The following SLC7A6 variants were observed in gnomAD, a reference collection of about 807,000 sequenced individuals.
SLC7A6 encodes Y+L amino acid transporter 2.
SLC7A6 carries 29 observed loss-of-function variants against 46.6 expected under a neutral mutation model. The ratio of observed to expected loss-of-function variants is 0.62; its 90% confidence interval spans 0.46 to 0.85. The LOEUF (loss-of-function observed/expected upper bound fraction) is 0.85. SLC7A6 is among the 40% of genes least tolerant of loss of function. The pLI is 0.00. For synonymous variants in SLC7A6, 276 were observed against 257.3 expected (o/e 1.07, Z -0.70); for missense variants, 527 against 647.6 (o/e 0.81, Z 2.02).
At chr16:68,280,910 T>C (rs1303185139) in intron 3 of SLC7A6, among the ~76,000 whole-genome samples, 1 of 152,180 alleles carries the variant, frequency 6.6e-6, no homozygotes, top group Non-Finnish European at 1.5e-5. Context: ...ATTTTTTGTA[T>C]TTTTAGTGGA....
Position 68,300,002 on chromosome 16 carries a change from A to G in SLC7A6, c.*2674A>G, listed in dbSNP as rs1159501257. 1.3e-5 allele frequency: 2 copies of G among 152,196 alleles called. No individual in the cohort carries two copies. The highest frequency in any genetic ancestry group is 2.4e-5 in the African/African-American group (1 of 41,442). 9.4% of individuals were successfully genotyped at this position (152,196 alleles called of 1,614,324 possible). A position where few individuals can be genotyped will look rare whatever the true frequency, so the allele number is the denominator to read the frequency against. ...GGAGAGATACTTAGGAAATCCTAAA[A>G]GAGGCGGCAAGAAGGTACCTCCCTG... On this transcript the variant is annotated 3_prime_UTR_variant, in exon 11 of 11. Coordinates refer to ENST00000219343, the MANE Select transcript of SLC7A6 (RefSeq NM_003983.6).
chr16:68,265,322 T>A (rs932997579), intron 1 of SLC7A6, among the ~76,000 whole-genome samples: 2 of 152,168 alleles, frequency 1.3e-5, no homozygotes, highest in Admixed American at 1.3e-4. Context: ...ACGTGAAACA[T>A]TCTGAAAATT....
At position 68,290,555 on chromosome 16, in the gene SLC7A6, A is replaced by T. The variant is rs1403622578; in HGVS notation, c.794+15A>T. On this transcript the variant is annotated intron_variant, in intron 5 of 10. Transcript: ENST00000219343. ...AACCCAGAAAGGTAAAGATGGGATC[A>T]CACTCTCACTCCCCAGCTTGGCTGG... The T allele has an allele frequency of 1.2e-6, 2 of 1,613,964 alleles. No individual in the cohort carries two copies. The highest frequency in any genetic ancestry group is 3.3e-5 in the Admixed American group (2 of 60,014).
chr16:68,294,876 T>C (rs950818380), intron 8 of SLC7A6, 75 bp downstream of exon 8: 1 of 1,002,402 alleles, frequency 1.0e-6, no homozygotes, highest in South Asian at 1.3e-5. Flanking sequence ...AGTTGTTAAA[T>C]AAGAGGGACC....
intron 7 of SLC7A6, among the ~76,000 whole-genome samples, chr16:68,293,563 C>T (rs2043101724): frequency 6.6e-6 from 1 of 152,180 alleles, no homozygotes; most frequent in Admixed American, 6.5e-5. Context: ...CCCGTCAGGC[C>T]CTTACCTCAA....
At chr16:68,278,452 CT>C (rs755853676) in intron 3 of SLC7A6, among the ~76,000 whole-genome samples, 546 of 138,586 alleles carry the variant, frequency 3.9e-3, no homozygotes, top group African/African-American at 4.7e-3. Context: ...ACCCTGCGGC[CT>C]TTTTTTTTTT....
At chr16:68,291,800 T>TGTGTGTGTGTGTGTGTG (rs2043058280) in intron 7 of SLC7A6, 139 bp downstream of exon 7, 1 of 706,138 alleles carries the variant, frequency 1.4e-6, no homozygotes, top group Non-Finnish European at 2.4e-6. Flanking sequence ...TGTGTGTGTG[T>TGTGTGTGTGTGTGTGTG]TTGGTATGTG....
In SLC7A6 at chr16:68,290,608, C is replaced by T. The variant is rs1310341318; in HGVS notation, c.794+68C>T. ...CTCCTGCTGATAGTGGGCGTGCCTG[C>T]CCTCATCCTTCTCCTCCTCCCTCCG... On this transcript the variant is annotated intron_variant, in intron 5 of 10. Transcript: ENST00000219343. 3 of 1,572,416 alleles carry T rather than the reference C, an allele frequency of 1.9e-6. No individual in the cohort carries two copies. The African/African-American group carries it at 4.0e-5, about 21-fold the overall frequency.
chr16:68,273,201 TACTC>T (rs2042651162), intron 2 of SLC7A6, among the ~76,000 whole-genome samples: 1 of 152,130 alleles, frequency 6.6e-6, no homozygotes, highest in African/African-American at 2.4e-5. Context: ...CCCTAAGAAC[TACTC>T]ACTCTTGACT....
chr16:68,300,391 T>C lies in SLC7A6; in HGVS notation c.*3063T>C, dbSNP rs912708813. ...ACGGACAGAGTCTGCTTAGAAGAGA[T>C]ACAAGTTGTTAATAAAATTGATCCT... On this transcript the variant is annotated 3_prime_UTR_variant, in exon 11 of 11. Coordinates refer to ENST00000219343, the MANE Select transcript of SLC7A6 (RefSeq NM_003983.6). 1.3e-5 allele frequency: 2 copies of C among 154,450 alleles called. No individual in the cohort carries two copies. Among genetic ancestry groups the C allele is most frequent in the African/African-American group, 2.4e-5 (1 of 41,488 alleles). The allele number at this position is 154,450 out of a possible 1,614,324, so 9.6% of individuals were successfully genotyped here. A position where few individuals can be genotyped will look rare whatever the true frequency, so the allele number is the denominator to read the frequency against.
Position 68,297,477 on chromosome 16 carries a change from G to A in SLC7A6, c.*149G>A. The A allele has an allele frequency of 2.0e-6, 1 of 491,070 alleles. No homozygotes were observed. The highest frequency in any genetic ancestry group is 2.1e-5 in the South Asian group (1 of 46,996). 30.4% of individuals were successfully genotyped at this position (491,070 alleles called of 1,614,324 possible). ...TCAGGGCCAGTGCTCACTCTTATTG[G>A]TAAGCTATAGGAGACTCAGGATCTG... On this transcript the variant is annotated 3_prime_UTR_variant, in exon 11 of 11. Transcript: ENST00000219343.
At chr16:68,267,624 A>C (rs1012378989) in intron 2 of SLC7A6, among the ~76,000 whole-genome samples, 14 of 152,214 alleles carry the variant, frequency 9.2e-5, no homozygotes, top group Admixed American at 9.2e-4. Flanking sequence ...TCTCTGTGAT[A>C]TAGCAAAATA....
intron 3 of SLC7A6, among the ~76,000 whole-genome samples, chr16:68,286,456 G>T (rs1199549709): frequency 6.6e-6 from 1 of 152,308 alleles, no homozygotes; most frequent in East Asian, 1.9e-4. Flanking sequence ...AAGAGAGAGA[G>T]TCTGGCTGAA....
chr16:68,274,809 T>C lies in SLC7A6; in HGVS notation c.83T>C (p.Val28Ala). ...AGCCAGTCCCAGGTGGAAGAAGATG[T>C]CAGCTCGCCACCTCAAAGGTCCTCC... is the stretch of plus-strand genomic sequence containing the variant. ...NTSQSQVEED[V>A]SSPPQRSSET... is the part of the protein sequence containing the mutation. The change falls in exon 3 of 11, where the codon GTC becomes GCC. Residue 28 changes from valine (V) to alanine (A), a missense_variant. Coordinates refer to ENST00000219343, the MANE Select transcript of SLC7A6 (RefSeq NM_003983.6). The C allele has an allele frequency of 6.2e-7, 1 of 1,614,134 alleles. No homozygotes were observed. Among genetic ancestry groups the C allele is most frequent in the Non-Finnish European group, 8.5e-7 (1 of 1,180,028 alleles).
At chr16:68,290,757 G>A in intron 5 of SLC7A6, 1 of 587,550 alleles carries the variant, frequency 1.7e-6, no homozygotes, top group South Asian at 2.0e-5. Context: ...CTGGAGGATA[G>A]GGCCTTCCTA....
Position 68,296,791 on chromosome 16 carries a change from GT to G in SLC7A6, c.1437del (p.Phe479LeufsTer21). ...VYLPESRRPL[F>X]IRNVLAAITR... Reference sequence around the variant, plus strand: ...ACCTGCCAGAGTCCCGGAGGCCATTGTTTATTCGGAATGTCCTGGGTGAGCT... The same window carrying G: ...ACCTGCCAGAGTCCCGGAGGCCATTGTTATTCGGAATGTCCTGGGTGAGCT... On this transcript the variant is annotated frameshift_variant, in exon 10 of 11. Coordinates refer to ENST00000219343, the MANE Select transcript of SLC7A6 (RefSeq NM_003983.6). LOFTEE classifies it high-confidence loss of function. 6.2e-7 allele frequency: 1 copy of G among 1,614,084 alleles called. No individual in the cohort carries two copies. The highest frequency in any genetic ancestry group is 8.5e-7 in the Non-Finnish European group (1 of 1,180,022).
chr16:68,300,861 C>G lies in SLC7A6; in HGVS notation c.*3533C>G, dbSNP rs746275708. On this transcript the variant is annotated 3_prime_UTR_variant, in exon 11 of 11. Coordinates refer to ENST00000219343, the MANE Select transcript of SLC7A6 (RefSeq NM_003983.6). ...CCCTTTTAGATTCTATCAAAAGGAA[C>G]AGGGTTTTCCTAGAGGCAGGCAGCC... The G allele has an allele frequency of 3.0e-6, 3 of 988,688 alleles. No homozygotes were observed. The highest frequency in any genetic ancestry group is 3.6e-6 in the Non-Finnish European group (3 of 832,220). 61.2% of individuals were successfully genotyped at this position (988,688 alleles called of 1,614,324 possible).
chr16:68,291,240 C>T lies in SLC7A6; in HGVS notation c.826C>T (p.Pro276Ser). The change falls in exon 6 of 11, where the codon CCA (proline) becomes TCA (serine). Residue 276 changes from proline (P) to serine (S), a missense_variant. Transcript: ENST00000219343. ...GCCCTTGGCCATTGGGATTTCTATG[C>T]CAATTGTGACGCTCATCTACATCCT... ...NLPLAIGISM[P>S]IVTLIYILTN... The T allele has an allele frequency of 5.0e-6, 8 of 1,614,196 alleles. No homozygotes were observed. Among genetic ancestry groups the T allele is most frequent in the African/African-American group, 1.3e-5 (1 of 75,056 alleles).
Position 68,301,363 on chromosome 16 carries a change from C to T in SLC7A6, c.*4035C>T. 1 of 1,614,164 alleles carries T rather than the reference C, an allele frequency of 6.2e-7. No homozygotes were observed. The highest frequency in any genetic ancestry group is 8.5e-7 in the Non-Finnish European group (1 of 1,180,032). ...CTTGCTCCACATCCGCTGTCTGCTG[C>T]TGCCTCTTTCCTCCTCACTCAGGCT... is the stretch of plus-strand genomic sequence containing the variant. On this transcript the variant is annotated 3_prime_UTR_variant, in exon 11 of 11. Transcript: ENST00000219343.
Sources: allele counts gnomAD v4.1 joint callset (sites outside exome capture counted in the v4.1 genomes callset), GRCh38; gene constraint gnomAD v4.1.1; transcripts MANE v1.5; gene names NCBI Gene and HGNC (gene_info 2026-07-23, HGNC 2026-07-21).